KATNIP: variants seen among roughly 807,000 people sequenced by gnomAD.
The protein encoded by KATNIP is katanin-interacting protein.
In KATNIP, 126 loss-of-function variants were observed where a neutral mutation model predicts 174.0. The ratio of observed to expected loss-of-function variants is 0.72; its 90% CI spans 0.63 to 0.84. KATNIP has a LOEUF of 0.84. KATNIP is among the 40% of genes least tolerant of loss of function. The pLI is 0.00. For synonymous variants in KATNIP, 810 were observed against 835.7 expected (o/e 0.97, Z 0.53); for missense variants, 1,958 against 2,109.7 (o/e 0.93, Z 1.41).
rs58505514 is a variant in KATNIP, at chr16:27,563,891, T to TAAA, written c.8-9986_8-9984dup. ...TAGTGAGACCTCATCTCTAGTAAAT[T>TAAA]AAAAAAAAAAAAAAAAAAAAAAAAA... On this transcript the variant is annotated intron_variant, in intron 1 of 27. Coordinates refer to ENST00000261588, the MANE Select transcript of KATNIP (RefSeq NM_015202.5). 3.9e-4 allele frequency among the ~76,000 whole-genome samples: 26 copies of TAAA among 66,704 alleles called. 3 individuals are homozygous for TAAA. The highest frequency in any genetic ancestry group is 2.7e-3 in the Admixed American group (11 of 4,132). The allele number at this position is 66,704 out of a possible 152,430, so 43.8% of individuals were successfully genotyped here. A position where few individuals can be genotyped will look rare whatever the true frequency, so the allele number is the denominator to read the frequency against.
intron 14 of KATNIP, among the ~76,000 whole-genome samples, chr16:27,735,341 G>A (rs568567186): frequency 4.6e-5 from 7 of 152,240 alleles, no homozygotes; most frequent in South Asian, 2.1e-4. Flanking sequence ...TGTGGAAGCC[G>A]GCCACCCTAT....
At chr16:27,568,045 GGTAGTTCTTTATGCAAATAGAAC>G (rs1453516754) in intron 1 of KATNIP, among the ~76,000 whole-genome samples, 1 of 152,062 alleles carries the variant, frequency 6.6e-6, no homozygotes, top group Non-Finnish European at 1.5e-5. Context: ...TGCCTCTCTG[GGTAGTTCTTTATGCAAATAGAAC>G]CAATATGAGT....
chr16:27,740,986 A>G, intron 15 of KATNIP, 66 bp downstream of exon 15: 1 of 1,324,090 alleles, frequency 7.6e-7, no homozygotes, highest in Non-Finnish European at 9.7e-7. Context: ...GCATGAAGCC[A>G]GTTAGCTCCT....
intron 17 of KATNIP, among the ~76,000 whole-genome samples, chr16:27,753,355 C>T (rs1446951980): frequency 6.6e-6 from 1 of 152,208 alleles, no homozygotes. Flanking sequence ...AGGTGGGAGT[C>T]TACCCTGGGC....
chr16:27,773,109 G>A lies in KATNIP; in HGVS notation c.4209G>A (p.Gln1403=). The A allele has an allele frequency of 6.2e-7, 1 of 1,606,112 alleles. No homozygotes were observed. The highest frequency in any genetic ancestry group is 1.1e-5 in the South Asian group (1 of 89,484). ...APLMPCGFIF[Q]FQLLTSWGDP... ...AATAAAGTGTCCCAGTCATTTTCCA[G>A]TTTCAGCTTCTCACCAGCTGGGGCG... Residue 1403 remains glutamine (Q), a synonymous_variant, in exon 23 of 28, where the codon CAG becomes CAA. Coordinates refer to ENST00000261588, the MANE Select transcript of KATNIP (RefSeq NM_015202.5).
At chr16:27,606,390 C>T (rs1235097091) in intron 2 of KATNIP, among the ~76,000 whole-genome samples, 1 of 152,060 alleles carries the variant, frequency 6.6e-6, no homozygotes, top group African/African-American at 2.4e-5. Flanking sequence ...AGCCCTTAGA[C>T]ATGGCAGGAA....
At chr16:27,620,018 C>T (rs907082367) in intron 3 of KATNIP, among the ~76,000 whole-genome samples, 2 of 152,166 alleles carry the variant, frequency 1.3e-5, no homozygotes, top group Non-Finnish European at 2.9e-5. Flanking sequence ...TGTGACTTGT[C>T]TGGGGAGAGG....
chr16:27,725,278 A>G (rs1451843014), intron 14 of KATNIP, among the ~76,000 whole-genome samples: 1 of 152,202 alleles, frequency 6.6e-6, no homozygotes, highest in African/African-American at 2.4e-5. Flanking sequence ...GGTATTTCCC[A>G]TCTTATAGAC....
intron 13 of KATNIP, among the ~76,000 whole-genome samples, chr16:27,718,070 G>A (rs903240362): frequency 1.3e-5 from 2 of 152,158 alleles, no homozygotes; most frequent in African/African-American, 4.8e-5. Flanking sequence ...GTGGATCCTT[G>A]CCTCAGGGTC....
At chr16:27,671,234 C>G (rs926541392) in intron 6 of KATNIP, among the ~76,000 whole-genome samples, 4 of 152,218 alleles carry the variant, frequency 2.6e-5, no homozygotes, top group South Asian at 4.2e-4. Context: ...CCTATTTTTC[C>G]AGACTTTTTC....
intron 16 of KATNIP, 69 bp from the exon 17 acceptor site, chr16:27,751,650 G>A: frequency 1.4e-6 from 2 of 1,471,252 alleles, no homozygotes; most frequent in Non-Finnish European, 9.5e-7. Context: ...GATGGGTTTA[G>A]GCTCTTGATC....
At chr16:27,767,110 G>T (rs1373943647) in intron 20 of KATNIP, among the ~76,000 whole-genome samples, 1 of 152,074 alleles carries the variant, frequency 6.6e-6, no homozygotes, top group Non-Finnish European at 1.5e-5. Context: ...GTGACTGAAT[G>T]GGTGCCCTCC....
intron 2 of KATNIP, among the ~76,000 whole-genome samples, chr16:27,603,806 T>C (rs2075615110): frequency 6.6e-6 from 1 of 151,408 alleles, no homozygotes; most frequent in Non-Finnish European, 1.5e-5. Flanking sequence ...GCACGATCTC[T>C]GCTCACTGCA....
intron 21 of KATNIP, 130 bp from the exon 22 acceptor site, chr16:27,771,458 C>T (rs2082299297): frequency 8.9e-6 from 7 of 787,234 alleles, no homozygotes; most frequent in Non-Finnish European, 1.4e-5. Context: ...CCTCATCTCT[C>T]TTTTCCCTGC....
At chr16:27,580,285 G>A (rs2090647464) in intron 2 of KATNIP, among the ~76,000 whole-genome samples, 1 of 152,078 alleles carries the variant, frequency 6.6e-6, no homozygotes. Context: ...GCTAATTGTT[G>A]TATTTTTTGT....
chr16:27,657,638 G>T (rs781692760), intron 6 of KATNIP, among the ~76,000 whole-genome samples: 3 of 151,930 alleles, frequency 2.0e-5, no homozygotes, highest in Admixed American at 6.6e-5. Context: ...AAGGCCAGAC[G>T]CAGTGGCTTA....
chr16:27,551,865 T>TAATAATAAC lies in KATNIP; in HGVS notation c.7+1696_7+1697insCAATAATAA, dbSNP rs200197783. On this transcript the variant is annotated intron_variant, in intron 1 of 27. Coordinates refer to ENST00000261588, the MANE Select transcript of KATNIP (RefSeq NM_015202.5). ...GAGACTCTGTCTCAAAAAAACCCAATAATAATAATAATAATTGGCCAGGTG... is the reference window on the plus strand; with the variant it reads ...GAGACTCTGTCTCAAAAAAACCCAATAATAATAACAATAATAATAATAATTGGCCAGGTG... Among the ~76,000 whole-genome samples the TAATAATAAC allele has an allele frequency of 7.0e-3, 1,055 of 151,630 alleles. 15 individuals carry two copies. Among genetic ancestry groups the TAATAATAAC allele is most frequent in the African/African-American group, 0.024 (1,001 of 41,382 alleles).
At chr16:27,714,025 A>G (rs2079812558) in intron 13 of KATNIP, among the ~76,000 whole-genome samples, 1 of 151,098 alleles carries the variant, frequency 6.6e-6, no homozygotes, top group Non-Finnish European at 1.5e-5. Flanking sequence ...CCCAGGCTCC[A>G]GCAGCCTTGG....
At chr16:27,566,209 T>C (rs2141637902) in intron 1 of KATNIP, among the ~76,000 whole-genome samples, 1 of 152,204 alleles carries the variant, frequency 6.6e-6, no homozygotes, top group African/African-American at 2.4e-5. Context: ...CACATGCGTA[T>C]CTTTGCAAAC....
Sources: allele counts gnomAD v4.1 joint callset (sites outside exome capture counted in the v4.1 genomes callset), GRCh38; gene constraint gnomAD v4.1.1; transcripts MANE v1.5; gene names NCBI Gene and HGNC (gene_info 2026-07-23, HGNC 2026-07-21).